Variants in PLD3 observed in about 807,000 individuals in gnomAD.
PLD3 encodes the protein phospholipase D family member 3.
A neutral mutation model predicts 58.4 loss-of-function variants in PLD3; 31 were observed. That is an observed-to-expected ratio of 0.53 (90% CI 0.40 to 0.72). PLD3 has a LOEUF of 0.72. PLD3 is among the 30% of genes least tolerant of loss of function. The pLI is 0.00. For missense variants in PLD3, 595 were observed against 659.8 expected (o/e 0.90, Z 1.08); for synonymous variants, 264 against 273.4 (o/e 0.97, Z 0.34).
At position 40,376,637 on chromosome 19, in the gene PLD3, C is replaced by T. The variant is rs201593075; in HGVS notation, c.1048C>T (p.Arg350Trp). Residue 350 changes from arginine (R) to tryptophan (W), a missense_variant, in exon 11 of 13, where the codon CGG (arginine) becomes TGG (tryptophan). Arg to Trp is a moderately radical substitution (Grantham distance 101). Transcript: ENST00000409735. Reference protein sequence around the residue: ...RFWPAIDDGLRRATYERGVKV... With the variant: ...RFWPAIDDGLWRATYERGVKV... The stretch of plus-strand genomic sequence containing the variant: ...CTGGCCTGCCATTGACGATGGGCTG[C>T]GGCGGGCCACCTACGAGCGTGGCGT... 9.9e-6 allele frequency: 16 copies of T among 1,608,818 alleles called. No individual in the cohort carries two copies. The highest frequency in any genetic ancestry group is 8.3e-5 in the Admixed American group (5 of 60,018).
At chr19:40,367,223 A>G in intron 5 of PLD3, 1 of 362,814 alleles carries the variant, frequency 2.8e-6, no homozygotes, top group Non-Finnish European at 5.0e-6. Flanking sequence ...GAGGATCATG[A>G]GTCCAGGCAC....
chr19:40,376,515 A>G, intron 10 of PLD3, 94 bp from the exon 11 acceptor site: 1 of 1,244,032 alleles, frequency 8.0e-7, no homozygotes, highest in Non-Finnish European at 1.1e-6. Context: ...TAGCTAAAGC[A>G]GGGCCCAGGC....
rs2079215159 is a variant in PLD3 at position 40,376,772 on chromosome 19, G to A, written c.1183G>A (p.Val395Met). 6.3e-7 allele frequency: 1 copy of A among 1,599,322 alleles called. No individual in the cohort carries two copies. The highest frequency in any genetic ancestry group is 8.5e-7 in the Non-Finnish European group (1 of 1,179,754). Residue 395 changes from valine (V) to methionine (M), a missense_variant and splice_region_variant, in exon 11 of 13, where the codon GTG (valine) becomes ATG (methionine). By Grantham distance (21) the Val-to-Met change is conservative. Coordinates refer to ENST00000409735, the MANE Select transcript of PLD3 (RefSeq NM_012268.4). The stretch of plus-strand genomic sequence containing the variant: ...CAACCATACCCACTCTGACATCCAG[G>A]TGGTAAGTACTGCCCCAAGCCACCC... ...RDNHTHSDIQ[V>M]KLFVVPADEA...
chr19:40,353,178 C>A (rs7259273), intron 1 of PLD3, among the ~76,000 whole-genome samples: 55,201 of 152,020 alleles, frequency 0.36, 11,947 homozygotes, highest in South Asian at 0.61. Flanking sequence ...CCCTATAATC[C>A]CAGCACTTTG....
At chr19:40,368,545 C>G (rs1600310907) in intron 6 of PLD3, among the ~76,000 whole-genome samples, 1 of 152,170 alleles carries the variant, frequency 6.6e-6, no homozygotes, top group Non-Finnish European at 1.5e-5. Context: ...CCTACTGGCT[C>G]TTTTTGTGAG....
intron 1 of PLD3, among the ~76,000 whole-genome samples, chr19:40,362,008 T>G (rs978358101): frequency 6.6e-6 from 1 of 152,032 alleles, no homozygotes; most frequent in Non-Finnish European, 1.5e-5. Context: ...GGCTAATTTT[T>G]GTATTTTTAG....
In PLD3 at chr19:40,378,418, T is replaced by TGGCCCACC. The variant is rs2079300936; in HGVS notation, c.*246_*253dup. The TGGCCCACC allele has an allele frequency of 1.6e-6, 1 of 607,202 alleles. No individual in the cohort carries two copies. The highest frequency in any genetic ancestry group is 2.8e-5 in the Admixed American group (1 of 35,108). The allele number at this position is 607,202 out of a possible 1,614,324, so 37.6% of individuals were successfully genotyped here. On this transcript the variant is annotated 3_prime_UTR_variant, in exon 13 of 13. Transcript: ENST00000409735. ...GGGGTGCATGCTGGGCCTGGCCCCC[T>TGGCCCACC]GGCCCACCCCCACTTTCCAGGGCAA...
chr19:40,374,404 T>G, intron 9 of PLD3, 77 bp from the exon 10 acceptor site: 254 of 1,507,898 alleles, frequency 1.7e-4, no homozygotes, highest in Non-Finnish European at 2.1e-4. Flanking sequence ...TGGCTTGTGG[T>G]GAGCTGTCCG....
intron 1 of PLD3, among the ~76,000 whole-genome samples, chr19:40,363,326 A>G (rs1600288865): frequency 1.4e-5 from 2 of 148,120 alleles, no homozygotes; most frequent in African/African-American, 5.1e-5. Context: ...GTTGTGGTCA[A>G]CCGCCTCTAA....
chr19:40,373,292 G>A (rs918081517), intron 9 of PLD3, among the ~76,000 whole-genome samples: 2 of 152,196 alleles, frequency 1.3e-5, no homozygotes, highest in African/African-American at 4.8e-5. Flanking sequence ...AAGGAAGATG[G>A]GGGGCCAGGC....
chr19:40,367,790 G>A lies in PLD3; in HGVS notation c.340G>A (p.Ala114Thr), dbSNP rs1263648951. ...STSQAWLGLLAGAHSSLDIAS... is the reference protein window; with the variant it reads ...STSQAWLGLLTGAHSSLDIAS... Reference sequence around the variant, plus strand: ...CAGCCAGGCCTGGCTGGGCCTGCTCGCCGGTGCGCACAGCAGCCTGGACAT... The same window carrying A: ...CAGCCAGGCCTGGCTGGGCCTGCTCACCGGTGCGCACAGCAGCCTGGACAT... Residue 114 changes from alanine to threonine, a missense_variant, in exon 6 of 13, where the codon GCC becomes ACC. By Grantham distance (58) the Ala-to-Thr change is moderately conservative. Transcript: ENST00000409735. 4 of 1,611,716 alleles carry A rather than the reference G, an allele frequency of 2.5e-6. No individual in the cohort carries two copies. Among genetic ancestry groups the A allele is most frequent in the East Asian group, 2.2e-5 (1 of 44,746 alleles).
At chr19:40,364,322 C>A (rs62107636) in intron 1 of PLD3, among the ~76,000 whole-genome samples, 52,221 of 151,186 alleles carry the variant, frequency 0.35, 10,964 homozygotes, top group South Asian at 0.52. Context: ...CCACTGCACT[C>A]CAGCCTGGGC....
intron 1 of PLD3, among the ~76,000 whole-genome samples, chr19:40,351,643 G>C (rs988531401): frequency 4.6e-5 from 7 of 152,332 alleles, no homozygotes; most frequent in African/African-American, 1.7e-4. Flanking sequence ...GTAGGAGCAA[G>C]CTTGGAATAT....
chr19:40,367,181 ACCTT>A, intron 5 of PLD3: 1 of 461,632 alleles, frequency 2.2e-6, no homozygotes, highest in Non-Finnish European at 3.8e-6. Flanking sequence ...TCAATACACG[ACCTT>A]CCTTCCACAC....
chr19:40,366,975 C>T, intron 5 of PLD3, 60 bp downstream of exon 5: 1 of 1,530,300 alleles, frequency 6.5e-7, no homozygotes, highest in Admixed American at 2.0e-5. Flanking sequence ...TACACTTAAG[C>T]ACACACTAAA....
intron 1 of PLD3, among the ~76,000 whole-genome samples, chr19:40,354,146 T>C (rs2078593876): frequency 6.9e-6 from 1 of 145,210 alleles, no homozygotes; most frequent in Non-Finnish European, 1.5e-5. Context: ...CGATCTCGGC[T>C]CACTGCAACT....
At chr19:40,368,875 T>C (rs2078994898) in intron 6 of PLD3, among the ~76,000 whole-genome samples, 2 of 151,858 alleles carry the variant, frequency 1.3e-5, no homozygotes, top group Admixed American at 1.3e-4. Context: ...CAGCGAGCCG[T>C]GATCATGCCA....
At chr19:40,367,085 C>T (rs1600304620) in intron 5 of PLD3, 170 bp downstream of exon 5, 1 of 649,520 alleles carries the variant, frequency 1.5e-6, no homozygotes, top group East Asian at 2.8e-5. Flanking sequence ...CACATAGTTT[C>T]TATGGCAGCC....
At chr19:40,363,572 A>G (rs2078839796) in intron 1 of PLD3, among the ~76,000 whole-genome samples, 1 of 152,172 alleles carries the variant, frequency 6.6e-6, no homozygotes, top group Admixed American at 6.5e-5. Flanking sequence ...CTGGGATTAC[A>G]AGCGCCCGCC....
Sources: gnomAD v4.1 joint callset for allele counts (sites outside exome capture counted in the v4.1 genomes callset) on GRCh38, gnomAD v4.1.1 for gene constraint, MANE v1.5 for transcripts, NCBI Gene and HGNC (gene_info 2026-07-23, HGNC 2026-07-21) for gene names.